Variants in ZNF385D observed in about 807,000 individuals in gnomAD.
The protein encoded by ZNF385D is zinc finger protein 385D, also known as zinc finger protein 659.
In ZNF385D, 15 loss-of-function variants were observed where a neutral mutation model predicts 35.8. That is an observed-to-expected ratio of 0.42 (90% CI 0.28 to 0.64). The LOEUF is 0.64. Ranked by LOEUF, ZNF385D falls within the 30% of genes least tolerant of loss-of-function variation. ZNF385D has a pLI of 0.23. For missense variants in ZNF385D, 474 were observed against 494.6 expected (o/e 0.96, Z 0.39); for synonymous variants, 212 against 186.8 (o/e 1.13, Z -1.10).
intron 1 of ZNF385D, among the ~76,000 whole-genome samples, chr3:21,692,594 C>T (rs73138859): frequency 0.015 from 2,312 of 152,304 alleles, 58 homozygotes; most frequent in African/African-American, 0.052. Context: ...AATCCAGCGC[C>T]AGTGTATTTT....
intron 2 of ZNF385D, among the ~76,000 whole-genome samples, chr3:22,321,626 A>G (rs1694439001): frequency 6.6e-6 from 1 of 152,102 alleles, no homozygotes; most frequent in South Asian, 2.1e-4. Context: ...CGGCCTCCCA[A>G]AGTGCTGGGA....
At chr3:21,819,059 C>T (rs1199935020) in intron 3 of ZNF385D, among the ~76,000 whole-genome samples, 2 of 151,788 alleles carry the variant, frequency 1.3e-5, no homozygotes, top group African/African-American at 4.8e-5. Context: ...TTAACAGGGC[C>T]TTGTAATTTT....
chr3:21,473,706 G>A (rs1057266522), intron 4 of ZNF385D, among the ~76,000 whole-genome samples: 1 of 151,850 alleles, frequency 6.6e-6, no homozygotes, highest in Non-Finnish European at 1.5e-5. Context: ...ATTTTTTCTT[G>A]TCTCAAGCTC....
intron 2 of ZNF385D, among the ~76,000 whole-genome samples, chr3:21,584,043 G>T (rs757952312): frequency 1.3e-5 from 2 of 151,292 alleles, no homozygotes; most frequent in South Asian, 2.1e-4. Context: ...GCGTGATCTC[G>T]GCTCACTGCA....
At chr3:22,210,041 G>A (rs1026778606) in intron 2 of ZNF385D, among the ~76,000 whole-genome samples, 7 of 151,460 alleles carry the variant, frequency 4.6e-5, no homozygotes, top group East Asian at 1.9e-4. Flanking sequence ...GCCATGTACC[G>A]AGAGGTTTGA....
chr3:21,763,069 A>G lies in ZNF385D; in HGVS notation c.326-98041T>C, dbSNP rs573503689. 5.3e-5 allele frequency among the ~76,000 whole-genome samples: 8 copies of G among 152,302 alleles called. No homozygotes were observed. The East Asian group carries it at 1.5e-3, about 29-fold the overall frequency. ...ATTAAGTCCCAAGTACCTGTAAACAAATAAGACAAATTTCCCAAAGACAAG... is the reference window on the plus strand; with the variant it reads ...ATTAAGTCCCAAGTACCTGTAAACAGATAAGACAAATTTCCCAAAGACAAG... On this transcript the variant is annotated intron_variant, in intron 3 of 5. Coordinates refer to the ZNF385D transcript ENST00000494108.
intron 3 of ZNF385D, among the ~76,000 whole-genome samples, chr3:21,909,284 C>A (rs912667462): frequency 6.6e-6 from 1 of 152,054 alleles, no homozygotes; most frequent in Non-Finnish European, 1.5e-5. Flanking sequence ...ATACAAGCTT[C>A]CTCCTGCCCC....
chr3:21,942,547 T>C (rs964302535), intron 3 of ZNF385D: 3 of 152,238 alleles, frequency 2.0e-5, no homozygotes, highest in Non-Finnish European at 4.4e-5. Context: ...TTATTGCATC[T>C]TTGGCAGGCA....
chr3:21,862,923 G>C (rs770729922), intron 3 of ZNF385D, among the ~76,000 whole-genome samples: 87 of 152,080 alleles, frequency 5.7e-4, no homozygotes, highest in Non-Finnish European at 1.1e-3. Flanking sequence ...GCAGACTAAT[G>C]TCATCCTACA....
At chr3:21,502,883 TG>T (rs1450989199) in intron 4 of ZNF385D, among the ~76,000 whole-genome samples, 13 of 152,334 alleles carry the variant, frequency 8.5e-5, no homozygotes, top group Admixed American at 6.5e-4. Flanking sequence ...GGTTTCACAA[TG>T]GTGCTTCAAC....
intron 3 of ZNF385D, among the ~76,000 whole-genome samples, chr3:21,894,551 T>C (rs1699036084): frequency 6.6e-6 from 1 of 152,196 alleles, no homozygotes; most frequent in Non-Finnish European, 1.5e-5. Context: ...AGCTATGACT[T>C]TACAACAGCA....
intron 3 of ZNF385D, among the ~76,000 whole-genome samples, chr3:21,514,572 A>T (rs1707440651): frequency 6.6e-6 from 1 of 152,076 alleles, no homozygotes; most frequent in African/African-American, 2.4e-5. Context: ...CAGTCACAGC[A>T]ACTGGACTTA....
rs143288407 is a variant in ZNF385D, at chr3:21,468,821, C to T, written c.440-31618G>A. On this transcript the variant is annotated intron_variant, in intron 4 of 7. Coordinates refer to ENST00000281523, the MANE Select transcript of ZNF385D (RefSeq NM_024697.3). ...CCCATAGTCTGTAGTCCCAGCTACT[C>T]GGGAGACTGAGGCAGGGTAATCGCT... 2.2e-3 allele frequency among the ~76,000 whole-genome samples: 337 copies of T among 151,954 alleles called. 4 individuals carry two copies. The highest frequency in any genetic ancestry group is 4.3e-3 in the Non-Finnish European group (295 of 67,954).
At chr3:21,626,812 A>G (rs2065146685) in intron 2 of ZNF385D, among the ~76,000 whole-genome samples, 1 of 151,978 alleles carries the variant, frequency 6.6e-6, no homozygotes, top group South Asian at 2.1e-4. Context: ...CCAAGGAGAA[A>G]GAGCAGCAGG....
intron 3 of ZNF385D, among the ~76,000 whole-genome samples, chr3:21,759,823 C>T (rs143116432): frequency 2.8e-3 from 421 of 152,278 alleles, no homozygotes; most frequent in Non-Finnish European, 4.8e-3. Flanking sequence ...TTGAGTGCAG[C>T]TCCAGTAAAT....
In ZNF385D at chr3:22,350,158, G is replaced by A. The variant is rs566845952; in HGVS notation, c.106+22292C>T. ...TGCTTCCCATGACTTTAGACTAAGCGTTTACATGCAAAGAAGTTTACCCCA... is the reference window on the plus strand; with the variant it reads ...TGCTTCCCATGACTTTAGACTAAGCATTTACATGCAAAGAAGTTTACCCCA... On this transcript the variant is annotated intron_variant, in intron 2 of 5. Transcript: ENST00000494108. Among the ~76,000 whole-genome samples, 5 of 152,144 alleles carry A rather than the reference G, an allele frequency of 3.3e-5. No individual in the cohort carries two copies. In the East Asian group the frequency reaches 9.7e-4, roughly 29 times the overall value.
chr3:21,697,747 A>G (rs2067523119), intron 1 of ZNF385D, among the ~76,000 whole-genome samples: 1 of 152,288 alleles, frequency 6.6e-6, no homozygotes, highest in Non-Finnish European at 1.5e-5. Context: ...AACAAACTCA[A>G]ATAACTCAAC....
intron 2 of ZNF385D, among the ~76,000 whole-genome samples, chr3:22,351,340 C>T (rs1049043519): frequency 2.6e-5 from 4 of 151,986 alleles, no homozygotes; most frequent in African/African-American, 9.7e-5. Context: ...TTAGACCATT[C>T]TTATTTAATT....
intron 3 of ZNF385D, among the ~76,000 whole-genome samples, chr3:21,893,211 T>C (rs1698970081): frequency 6.6e-6 from 1 of 152,156 alleles, no homozygotes; most frequent in Admixed American, 6.5e-5. Context: ...AGAAGCATTG[T>C]AGACATAAGG....
Sources: allele counts gnomAD v4.1 joint callset (sites outside exome capture counted in the v4.1 genomes callset), GRCh38; gene constraint gnomAD v4.1.1; transcripts MANE v1.5; gene names NCBI Gene and HGNC (gene_info 2026-07-23, HGNC 2026-07-21).